The following SIRT3 variants were observed in gnomAD, a reference collection of about 807,000 sequenced individuals.
The protein encoded by SIRT3 is sirtuin 3.
In SIRT3, 26 loss-of-function variants were observed where a neutral mutation model predicts 33.5. That is an observed-to-expected ratio of 0.78 (90% CI 0.57 to 1.08). The LOEUF (loss-of-function observed/expected upper bound fraction) is 1.08. Ranked by LOEUF, SIRT3 falls within the 50% of genes least tolerant of loss-of-function variation. The pLI is 0.00. For synonymous variants in SIRT3, 237 were observed against 222.1 expected (o/e 1.07, Z -0.60); for missense variants, 585 against 530.1 (o/e 1.10, Z -1.02).
At chr11:235,281 CT>C (rs763143317) in intron 1 of SIRT3, among the ~76,000 whole-genome samples, 14 of 152,230 alleles carry the variant, frequency 9.2e-5, no homozygotes, top group Admixed American at 3.3e-4. Flanking sequence ...TCATAGCTCA[CT>C]GCAGCCTTGA....
At chr11:236,923 G>C (rs1859244235), upstream of SIRT3, 12 of 775,072 alleles carry the variant, frequency 1.5e-5, 1 homozygote, top group South Asian at 1.4e-4. Flanking sequence ...CCCGCCCCCG[G>C]CCTGCTACGG....
intron 1 of SIRT3, among the ~76,000 whole-genome samples, chr11:234,364 G>A (rs1858582622): frequency 6.6e-6 from 1 of 152,300 alleles, no homozygotes; most frequent in Middle Eastern, 3.4e-3. Flanking sequence ...CTCACACGCA[G>A]CCCTATGCCT....
chr11:236,481 C>G, upstream of SIRT3: 1 of 348,930 alleles, frequency 2.9e-6, no homozygotes, highest in Non-Finnish European at 4.0e-6. Flanking sequence ...CGCCCCGCCC[C>G]CGCCTCCTTG....
Position 233,060 on chromosome 11 carries a change from TGA to T in SIRT3, c.627_628del (p.His210LeufsTer8). ...GTCATGAAGCAGCCGGAGAAAGTAG[TGA>T]GTGACGTTGGGCTTGTAGTTTCCAG... On this transcript the variant is annotated frameshift_variant, in exon 3 of 7. Coordinates refer to ENST00000382743, the MANE Select transcript of SIRT3 (RefSeq NM_012239.6). LOFTEE classifies it high-confidence loss of function. 6.2e-7 allele frequency: 1 copy of T among 1,614,018 alleles called. No individual in the cohort carries two copies. The highest frequency in any genetic ancestry group is 1.1e-5 in the South Asian group (1 of 91,078).
chr11:236,812 A>G (rs1859225859), upstream of SIRT3: 1 of 567,890 alleles, frequency 1.8e-6, no homozygotes. Context: ...ACACTCTTTG[A>G]CGCCTCAATG....
In SIRT3 at chr11:235,973, C is replaced by G. The variant is rs965844912; in HGVS notation, c.281+75G>C. On this transcript the variant is annotated intron_variant, in intron 1 of 6. Transcript: ENST00000382743. The stretch of plus-strand genomic sequence containing the variant: ...ACTCCCAGACATGCCGCAAAGGAAA[C>G]ACGGCAAGGTGAGAAAGAGTGGGCG... 8.6e-6 allele frequency: 12 copies of G among 1,387,472 alleles called. No individual in the cohort carries two copies. The African/African-American group carries it at 1.6e-4, about 19-fold the overall frequency. 85.9% of individuals were successfully genotyped at this position (1,387,472 alleles called of 1,614,324 possible). A position where few individuals can be genotyped will look rare whatever the true frequency, so the allele number is the denominator to read the frequency against.
rs369924462 is a variant in SIRT3, at chr11:224,099, G to A, written c.948C>T (p.Leu316=). The change falls in exon 5 of 7, where the codon CTC becomes CTT. Residue 316 remains leucine (L), a synonymous_variant. Coordinates refer to ENST00000382743, the MANE Select transcript of SIRT3 (RefSeq NM_012239.6). ...VVDFPMADLL[L]ILGTSLEVEP... ...AAACCTCCAGGGAGGTCCCAAGGAT[G>A]AGCAGCAGATCTGCCATGGGGAAAT... 8 of 1,614,064 alleles carry A rather than the reference G, an allele frequency of 5.0e-6. No individual in the cohort carries two copies. The highest frequency in any genetic ancestry group is 6.8e-6 in the Non-Finnish European group (8 of 1,180,022).
upstream of SIRT3, chr11:236,812 A>T: frequency 1.8e-6 from 1 of 567,890 alleles, no homozygotes; most frequent in South Asian, 2.0e-5. Context: ...ACACTCTTTG[A>T]CGCCTCAATG....
rs1564807957 is a variant in SIRT3 at position 223,615 on chromosome 11, C to A, written c.969+463G>T. ...GCCCTGCCCCTCCACCTCGCCCCCA[C>A]ACCCCCATCCTTCTCCCTTCTCCTC... On this transcript the variant is annotated intron_variant, in intron 5 of 6. Coordinates refer to ENST00000382743, the MANE Select transcript of SIRT3 (RefSeq NM_012239.6). The surrounding 1 kb of genome is among the most constrained non-coding windows in gnomAD (Gnocchi z 4.8). 1 of 453,740 alleles carries A rather than the reference C, an allele frequency of 2.2e-6. No homozygotes were observed. 28.1% of individuals were successfully genotyped at this position (453,740 alleles called of 1,614,324 possible). A position where few individuals can be genotyped will look rare whatever the true frequency, so the allele number is the denominator to read the frequency against.
chr11:236,162 G>T lies in SIRT3; in HGVS notation c.167C>A (p.Ala56Asp). 1 of 1,566,756 alleles carries T rather than the reference G, an allele frequency of 6.4e-7. No individual in the cohort carries two copies. The highest frequency in any genetic ancestry group is 1.2e-5 in the South Asian group (1 of 85,530). Residue 56 changes from alanine to aspartate, a missense_variant, in exon 1 of 7, where the codon GCC (alanine) becomes GAC (aspartate). Transcript: ENST00000382743. ...CGCCGGGTCCAAGGGCTCACCGCGG[G>T]CCCCATGGCTGCCTCTCAGCCCCGC... is the stretch of plus-strand genomic sequence containing the variant. ...VSAGLRGSHG[A>D]RGEPLDPARP...
Position 230,469 on chromosome 11 carries a change from G to C in SIRT3, c.790C>G (p.Pro264Ala). The C allele has an allele frequency of 6.7e-7, 1 of 1,498,664 alleles. No homozygotes were observed. Among genetic ancestry groups the C allele is most frequent in the East Asian group, 2.6e-5 (1 of 37,962 alleles). The allele number at this position is 1,498,664 out of a possible 1,614,324, so 92.8% of individuals were successfully genotyped here. A position where few individuals can be genotyped will look rare whatever the true frequency, so the allele number is the denominator to read the frequency against. ...ATCTVCQRPF[P>A]GEDIRADVMA... ...TAACTCACCCGAATGTCCTCCCCTG[G>C]GAAGGGTCTTTGGCAGACTGTGCAG... The change falls in exon 4 of 7, where the codon CCA becomes GCA. Residue 264 changes from proline (P) to alanine (A), a missense_variant. Pro to Ala is a conservative substitution (Grantham distance 27, BLOSUM62 -1). Coordinates refer to ENST00000382743, the MANE Select transcript of SIRT3 (RefSeq NM_012239.6).
chr11:230,979 C>A (rs1857895046), intron 3 of SIRT3, among the ~76,000 whole-genome samples: 1 of 152,050 alleles, frequency 6.6e-6, no homozygotes, highest in African/African-American at 2.4e-5. Context: ...CAAAAATTAG[C>A]CAGATGTGGT....
chr11:231,124 C>CAAA (rs33939565), intron 3 of SIRT3, among the ~76,000 whole-genome samples: 46 of 138,546 alleles, frequency 3.3e-4, no homozygotes, highest in South Asian at 9.4e-4. Context: ...GATTCTGTCT[C>CAAA]AAAAAAAAAA....
At position 224,373 on chromosome 11, in the gene SIRT3, A is replaced by AC. The variant is rs904722574; in HGVS notation, c.808-135dup. 7 of 919,496 alleles carry AC rather than the reference A, an allele frequency of 7.6e-6. No homozygotes were observed. In the African/African-American group the frequency reaches 1.2e-4, roughly 15 times the overall value. 57.0% of individuals were successfully genotyped at this position (919,496 alleles called of 1,614,324 possible). On this transcript the variant is annotated intron_variant, in intron 4 of 6. Transcript: ENST00000382743. ...AGAGAGGGATCATGAACCCCCATGT[A>AC]CCCAGCTTCAGGAATTACCAGTTTT... is the stretch of plus-strand genomic sequence containing the variant.
At position 232,942 on chromosome 11, in the gene SIRT3, C is replaced by T. The variant is rs769185936; in HGVS notation, c.706+41G>A. 3 of 1,591,104 alleles carry T rather than the reference C, an allele frequency of 1.9e-6. No individual in the cohort carries two copies. In the South Asian group the frequency reaches 3.3e-5, roughly 18 times the overall value. On this transcript the variant is annotated intron_variant, in intron 3 of 6. Coordinates refer to ENST00000382743, the MANE Select transcript of SIRT3 (RefSeq NM_012239.6). ...TGGGAGAAACAGGCACCCGAGCCTC[C>T]GTGGGAGAAAAAGAATGTGTGCGAC...
In SIRT3 at chr11:224,201, G is replaced by C. The variant is rs201772736; in HGVS notation, c.846C>G (p.Val282=). Residue 282 remains valine (V), a synonymous_variant, in exon 5 of 7, where the codon GTC becomes GTG. Transcript: ENST00000382743. ...TGTCGGGCTTCACAACGCCGGTGCA[G>C]ACCGGGCAGCGGGGAACCCTGTCTG... ...VMADRVPRCP[V]CTGVVKPDIV... 2 of 1,614,166 alleles carry C rather than the reference G, an allele frequency of 1.2e-6. No homozygotes were observed. Among genetic ancestry groups the C allele is most frequent in the East Asian group, 2.2e-5 (1 of 44,888 alleles).
rs200663536 is a variant in SIRT3 at position 215,319 on chromosome 11, G to C, written c.*1379C>G. 6.6e-6 allele frequency: 1 copy of C among 152,212 alleles called. No individual in the cohort carries two copies. The highest frequency in any genetic ancestry group is 1.5e-5 in the Non-Finnish European group (1 of 68,068). 9.4% of individuals were successfully genotyped at this position (152,212 alleles called of 1,614,324 possible). A position where few individuals can be genotyped will look rare whatever the true frequency, so the allele number is the denominator to read the frequency against. On this transcript the variant is annotated 3_prime_UTR_variant, in exon 7 of 7. Transcript: ENST00000382743. ...CACCTGTAATCCCAGCTACCCAGGA[G>C]AATCGCTTAAACCCGGGAGGCGGAA...
chr11:216,775 G>C lies in SIRT3; in HGVS notation c.1180-57C>G, dbSNP rs934856538. The C allele has an allele frequency of 2.5e-6, 4 of 1,587,288 alleles. No homozygotes were observed. In the Admixed American group the frequency reaches 5.0e-5, roughly 20 times the overall value. On this transcript the variant is annotated intron_variant, in intron 6 of 6. Transcript: ENST00000382743. The stretch of plus-strand genomic sequence containing the variant: ...TCTGTTTACACACCCAGGCAGGCCA[G>C]CAGATCTCTGTTCAAACAGCTCTAG...
intron 3 of SIRT3, among the ~76,000 whole-genome samples, chr11:231,094 C>T (rs1429395993): frequency 6.9e-6 from 1 of 145,770 alleles, no homozygotes; most frequent in African/African-American, 2.6e-5. Context: ...CACCGCACTC[C>T]AGTTTGGGTA....
Sources: gnomAD v4.1 joint callset for allele counts (sites outside exome capture counted in the v4.1 genomes callset) on GRCh38, gnomAD v4.1.1 for gene constraint, Gnocchi (gnomAD v3.1) non-coding constraint, MANE v1.5 for transcripts, NCBI Gene and HGNC (gene_info 2026-07-23, HGNC 2026-07-21) for gene names.